ADAMTS16: variants seen among roughly 807,000 people sequenced by gnomAD.
The protein encoded by ADAMTS16 is ADAM metallopeptidase with thrombospondin type 1 motif 16.
ADAMTS16 carries 94 observed loss-of-function variants against 145.8 expected under a neutral mutation model. The ratio of observed to expected loss-of-function variants is 0.64; its 90% CI spans 0.55 to 0.77. ADAMTS16 has a LOEUF of 0.77. Among genes scored for constraint, ADAMTS16 ranks in the 30% least tolerant of loss-of-function variants. The probability of loss-of-function intolerance (pLI) is 0.00; values close to 1 mark genes in which losing one functional copy is unlikely to be tolerated. For missense variants in ADAMTS16, 1,585 were observed against 1,591.5 expected (o/e 1.00, Z 0.07); for synonymous variants, 659 against 604.3 (o/e 1.09, Z -1.33).
intron 21 of ADAMTS16, among the ~76,000 whole-genome samples, chr5:5,316,092 C>A (rs573742304): frequency 6.6e-6 from 1 of 152,182 alleles, no homozygotes; most frequent in Non-Finnish European, 1.5e-5. Context: ...TAAGTCACTT[C>A]GTAAAGCTCT....
chr5:5,234,463 A>G (rs1254728637), intron 12 of ADAMTS16, among the ~76,000 whole-genome samples: 2 of 152,190 alleles, frequency 1.3e-5, no homozygotes, highest in African/African-American at 4.8e-5. Context: ...CTGGGCCCAG[A>G]GAGGAGCAAA....
At chr5:5,240,363 C>T (rs1261931041) in intron 16 of ADAMTS16, among the ~76,000 whole-genome samples, 4 of 152,332 alleles carry the variant, frequency 2.6e-5, no homozygotes, top group African/African-American at 7.2e-5. Context: ...CAGCATTGAC[C>T]TTGGCGGGCC....
chr5:5,255,006 G>A (rs1737736284), intron 17 of ADAMTS16, among the ~76,000 whole-genome samples: 1 of 152,034 alleles, frequency 6.6e-6, no homozygotes, highest in Admixed American at 6.5e-5. Flanking sequence ...TTAGATCTTT[G>A]ATACATTTTT....
intron 3 of ADAMTS16, among the ~76,000 whole-genome samples, chr5:5,168,084 C>T (rs1376178986): frequency 6.6e-6 from 1 of 152,136 alleles, no homozygotes; most frequent in Non-Finnish European, 1.5e-5. Context: ...AATTGAAAAG[C>T]GTAACAAATA....
At position 5,239,641 on chromosome 5, in the gene ADAMTS16, T is replaced by C. The variant is rs767942178; in HGVS notation, c.2279-40T>C. On this transcript the variant is annotated intron_variant, in intron 15 of 22. Coordinates refer to ENST00000274181, the MANE Select transcript of ADAMTS16 (RefSeq NM_139056.4). ...GCTTAGAGATTTTGCCCCTGCTTTC[T>C]GGAATGAAAAGCTGTATCTTCCCCA... The C allele has an allele frequency of 4.4e-6, 7 of 1,604,792 alleles. No individual in the cohort carries two copies. In the South Asian group the frequency reaches 5.5e-5, roughly 13 times the overall value.
At chr5:5,272,069 T>G (rs543409826) in intron 18 of ADAMTS16, among the ~76,000 whole-genome samples, 1 of 152,306 alleles carries the variant, frequency 6.6e-6, no homozygotes, top group East Asian at 1.9e-4. Flanking sequence ...GCTTATCTCT[T>G]TTCGATCTGA....
At chr5:5,265,246 T>C (rs1314557168) in intron 18 of ADAMTS16, among the ~76,000 whole-genome samples, 1 of 152,182 alleles carries the variant, frequency 6.6e-6, no homozygotes, top group Non-Finnish European at 1.5e-5. Flanking sequence ...CAGATTTTAG[T>C]CAGTGATCCC....
chr5:5,212,821 C>A (rs1736315193), intron 10 of ADAMTS16, among the ~76,000 whole-genome samples: 1 of 152,090 alleles, frequency 6.6e-6, no homozygotes, highest in African/African-American at 2.4e-5. Context: ...TACTGTTTTA[C>A]TATTTGTTTT....
chr5:5,234,888 A>AAAAAAAAAAAAAAAAAG lies in ADAMTS16; in HGVS notation c.1851-126_1851-125insAAAAAAAAAAAAAAAAG, dbSNP rs33928110. 1.4e-5 allele frequency: 5 copies of AAAAAAAAAAAAAAAAAG among 352,982 alleles called. 1 individual carries two copies. The highest frequency in any genetic ancestry group is 4.3e-6 in the Non-Finnish European group (1 of 234,568). 21.9% of individuals were successfully genotyped at this position (352,982 alleles called of 1,614,324 possible). On this transcript the variant is annotated intron_variant, in intron 12 of 22. Transcript: ENST00000274181. ...CCATCTCAAAAAAAAAAAAAAAAAAAGAATCCACTTTTTTCCTAATTACCC... is the reference window on the plus strand; with the variant it reads ...CCATCTCAAAAAAAAAAAAAAAAAAAAAAAAAAAAAAAAAAAGGAATCCACTTTTTTCCTAATTACCC...
At chr5:5,232,580 A>G in intron 12 of ADAMTS16, 64 bp downstream of exon 12, 2 of 1,452,126 alleles carry the variant, frequency 1.4e-6, no homozygotes, top group Non-Finnish European at 1.9e-6. Context: ...CCCTCCAAGC[A>G]GTATGCCTGT....
At chr5:5,207,276 A>G (rs1337587029) in intron 9 of ADAMTS16, among the ~76,000 whole-genome samples, 4 of 152,120 alleles carry the variant, frequency 2.6e-5, no homozygotes. Context: ...TGCTACATTT[A>G]TATCTGTTTC....
At chr5:5,283,764 G>T (rs574731222) in intron 18 of ADAMTS16, among the ~76,000 whole-genome samples, 1 of 152,318 alleles carries the variant, frequency 6.6e-6, no homozygotes, top group South Asian at 2.1e-4. Flanking sequence ...GAGCAGTCAT[G>T]ACTTTATATT....
chr5:5,160,993 G>T (rs1020545122), intron 3 of ADAMTS16, among the ~76,000 whole-genome samples: 5 of 152,132 alleles, frequency 3.3e-5, no homozygotes, highest in Non-Finnish European at 5.9e-5. Context: ...CAATTTAAAT[G>T]TAAAAATATC....
At chr5:5,279,851 T>C (rs530689021) in intron 18 of ADAMTS16, among the ~76,000 whole-genome samples, 1 of 152,188 alleles carries the variant, frequency 6.6e-6, no homozygotes, top group African/African-American at 2.4e-5. Context: ...ATAAAGATAC[T>C]AGAGTTGTTT....
intron 3 of ADAMTS16, among the ~76,000 whole-genome samples, chr5:5,167,236 G>A (rs538919479): frequency 1.3e-5 from 2 of 152,308 alleles, no homozygotes; most frequent in Admixed American, 6.5e-5. Flanking sequence ...TCTGGATTGT[G>A]TAGTAGAGTG....
chr5:5,309,702 C>A (rs1740338689), intron 21 of ADAMTS16, among the ~76,000 whole-genome samples: 2 of 152,060 alleles, frequency 1.3e-5, no homozygotes. Context: ...CCCTCACTGG[C>A]CAACCATGTG....
intron 8 of ADAMTS16, among the ~76,000 whole-genome samples, chr5:5,199,495 TAGAC>T (rs898490937): frequency 5.3e-5 from 8 of 152,268 alleles, no homozygotes; most frequent in African/African-American, 1.4e-4. Context: ...TCTCTCCAAA[TAGAC>T]AGACAGATTC....
At chr5:5,165,291 T>C (rs1396783566) in intron 3 of ADAMTS16, among the ~76,000 whole-genome samples, 1 of 152,148 alleles carries the variant, frequency 6.6e-6, no homozygotes, top group Non-Finnish European at 1.5e-5. Flanking sequence ...CTCCTTTCCA[T>C]TGCTCAGCGG....
At chr5:5,275,202 G>C (rs1346471347) in intron 18 of ADAMTS16, among the ~76,000 whole-genome samples, 1 of 152,166 alleles carries the variant, frequency 6.6e-6, no homozygotes, top group Non-Finnish European at 1.5e-5. Flanking sequence ...TCTATTCTCT[G>C]ACCCATCAAT....
Sources: gnomAD v4.1 joint callset for allele counts (sites outside exome capture counted in the v4.1 genomes callset) on GRCh38, gnomAD v4.1.1 for gene constraint, MANE v1.5 for transcripts, NCBI Gene and HGNC (gene_info 2026-07-23, HGNC 2026-07-21) for gene names.